Variants in CEP112 observed in about 807,000 individuals in gnomAD.
CEP112 encodes the protein centrosomal protein 112, also known as centrosomal protein of 112 kDa.
In CEP112, 127 loss-of-function variants were observed where a neutral mutation model predicts 153.0. The ratio of observed to expected loss-of-function variants is 0.83; its 90% CI spans 0.72 to 0.96. The LOEUF is 0.96. Among genes scored for constraint, CEP112 ranks in the 40% least tolerant of loss-of-function variants. The pLI, the probability that CEP112 is intolerant of heterozygous loss-of-function variation, is 0.00. For synonymous variants in CEP112, 358 were observed against 374.4 expected (o/e 0.96, Z 0.51); for missense variants, 1,089 against 1,101.2 (o/e 0.99, Z 0.16).
intron 24 of CEP112, among the ~76,000 whole-genome samples, chr17:65,661,977 A>C (rs977853076): frequency 8.6e-5 from 13 of 151,636 alleles, no homozygotes; most frequent in African/African-American, 3.2e-4. Context: ...TTTATTAAAA[A>C]ATTTTTTTTG....
At chr17:65,665,517 A>C (rs1264820951) in intron 24 of CEP112, among the ~76,000 whole-genome samples, 1 of 152,212 alleles carries the variant, frequency 6.6e-6, no homozygotes, top group Non-Finnish European at 1.5e-5. Context: ...GTTCTGTGGA[A>C]CAGAACTTTC....
intron 18 of CEP112, among the ~76,000 whole-genome samples, chr17:65,957,319 C>T (rs2062035444): frequency 6.6e-6 from 1 of 152,144 alleles, no homozygotes; most frequent in South Asian, 2.1e-4. Flanking sequence ...TTGGATTTTA[C>T]CCATTGACCT....
At chr17:66,183,715 T>C (rs960427707) in intron 1 of CEP112, among the ~76,000 whole-genome samples, 1 of 151,824 alleles carries the variant, frequency 6.6e-6, no homozygotes, top group East Asian at 1.9e-4. Context: ...GTGTGATCCA[T>C]GAAGAAATGA....
intron 24 of CEP112, among the ~76,000 whole-genome samples, chr17:65,664,277 A>C (rs759969098): frequency 9.2e-5 from 14 of 152,180 alleles, no homozygotes; most frequent in Admixed American, 2.6e-4. Flanking sequence ...CAAGGCGAAA[A>C]TGAGTGTGGC....
intron 21 of CEP112, among the ~76,000 whole-genome samples, chr17:65,816,413 T>G (rs1270253412): frequency 6.6e-6 from 1 of 151,924 alleles, no homozygotes; most frequent in African/African-American, 2.4e-5. Context: ...CTGCACCCAA[T>G]TTGTAGTCTT....
chr17:65,789,198 A>C (rs1022611459), intron 21 of CEP112, among the ~76,000 whole-genome samples: 5 of 152,124 alleles, frequency 3.3e-5, no homozygotes, highest in African/African-American at 1.2e-4. Flanking sequence ...AGACACCCAA[A>C]TAAGAAACTT....
intron 2 of CEP112, 81 bp downstream of exon 2, chr17:66,183,113 T>G (rs11658189): frequency 0.051 from 48,779 of 956,096 alleles, 1,453 homozygotes; most frequent in East Asian, 0.08. Flanking sequence ...TTTTCTTCCA[T>G]GTTGATAGTT....
At chr17:65,758,682 A>T (rs2052428180) in intron 21 of CEP112, among the ~76,000 whole-genome samples, 1 of 152,178 alleles carries the variant, frequency 6.6e-6, no homozygotes, top group African/African-American at 2.4e-5. Flanking sequence ...TGTCTTTAAA[A>T]TCTTCAAATA....
chr17:66,093,173 A>T lies in CEP112; in HGVS notation c.768+3078T>A, dbSNP rs1181495947. On this transcript the variant is annotated intron_variant, in intron 8 of 26. Transcript: ENST00000535342. ...ACATGGTGAAACCTTGTCTCTACCA[A>T]AAAAATAAAATTATATATATATATG... 2.6e-5 allele frequency among the ~76,000 whole-genome samples: 4 copies of T among 152,236 alleles called. No individual in the cohort carries two copies. In the East Asian group the frequency reaches 7.7e-4, roughly 29 times the overall value.
intron 23 of CEP112, among the ~76,000 whole-genome samples, chr17:65,724,722 C>T (rs8067054): frequency 0.73 from 110,655 of 152,112 alleles, 40,853 homozygotes; most frequent in East Asian, 0.93. Context: ...CAATAGTGTC[C>T]GAAAGACTTC....
intron 21 of CEP112, among the ~76,000 whole-genome samples, chr17:65,799,175 G>C (rs943936848): frequency 1.3e-5 from 2 of 152,010 alleles, no homozygotes; most frequent in Non-Finnish European, 2.9e-5. Flanking sequence ...TATTTTCTAG[G>C]CAAAAAATTT....
At chr17:66,001,855 T>C (rs1266238153) in intron 17 of CEP112, among the ~76,000 whole-genome samples, 5 of 152,190 alleles carry the variant, frequency 3.3e-5, no homozygotes, top group African/African-American at 1.2e-4. Context: ...CCATATGCTT[T>C]AATTACTTAT....
chr17:66,040,825 A>G (rs1032591597), intron 12 of CEP112, among the ~76,000 whole-genome samples: 9 of 152,152 alleles, frequency 5.9e-5, no homozygotes, highest in Admixed American at 6.5e-5. Flanking sequence ...TGGTGATCAA[A>G]AGGTATTAAT....
At chr17:66,146,035 A>T (rs1490366503) in intron 4 of CEP112, among the ~76,000 whole-genome samples, 2 of 152,088 alleles carry the variant, frequency 1.3e-5, no homozygotes, top group African/African-American at 2.4e-5. Flanking sequence ...TAAGAATTTT[A>T]AAATCTATGT....
At chr17:66,136,780 A>G (rs1481168055) in intron 4 of CEP112, among the ~76,000 whole-genome samples, 1 of 152,186 alleles carries the variant, frequency 6.6e-6, no homozygotes, top group East Asian at 1.9e-4. Context: ...CTAAAAACAG[A>G]AACCAGAAAA....
At chr17:65,640,862 TCA>T (rs1287834150) in intron 25 of CEP112, 100 bp downstream of exon 25, 5 of 738,322 alleles carry the variant, frequency 6.8e-6, no homozygotes, top group Non-Finnish European at 1.2e-5. Context: ...TGCAATGACA[TCA>T]CATTGATTTC....
intron 4 of CEP112, among the ~76,000 whole-genome samples, chr17:66,136,734 G>A (rs1026989085): frequency 6.6e-5 from 10 of 152,100 alleles, no homozygotes; most frequent in Non-Finnish European, 1.0e-4. Context: ...CATGGTACAA[G>A]ACACAGAATA....
At chr17:65,785,509 T>C (rs1003422089) in intron 21 of CEP112, among the ~76,000 whole-genome samples, 2 of 152,224 alleles carry the variant, frequency 1.3e-5, no homozygotes, top group African/African-American at 4.8e-5. Flanking sequence ...TCCAGTCTAA[T>C]GGGTATGAAG....
At chr17:66,075,592 G>T (rs1030863495) in intron 8 of CEP112, among the ~76,000 whole-genome samples, 2 of 152,128 alleles carry the variant, frequency 1.3e-5, no homozygotes, top group Non-Finnish European at 2.9e-5. Flanking sequence ...TAACCATATC[G>T]ATCAGTAACT....
Sources: gnomAD v4.1 joint callset for allele counts (sites outside exome capture counted in the v4.1 genomes callset) on GRCh38, gnomAD v4.1.1 for gene constraint, MANE v1.5 for transcripts, NCBI Gene and HGNC (gene_info 2026-07-23, HGNC 2026-07-21) for gene names.